The following NCOA2 variants were observed in gnomAD, a reference collection of about 807,000 sequenced individuals.
NCOA2 encodes the protein nuclear receptor coactivator 2.
In NCOA2, 21 loss-of-function variants were observed where a neutral mutation model predicts 145.1. The ratio of observed to expected loss-of-function variants is 0.14; its 90% CI spans 0.10 to 0.21. NCOA2 has a LOEUF of 0.21. Ranked by LOEUF, NCOA2 falls within the 10% of genes least tolerant of loss-of-function variation. The probability of loss-of-function intolerance (pLI) is 1.00; values close to 1 mark genes in which losing one functional copy is unlikely to be tolerated. For synonymous variants in NCOA2, 619 were observed against 637.5 expected, an observed-to-expected ratio of 0.97 and a Z score of 0.44; for missense variants, 1,472 against 1,837.6, an observed-to-expected ratio of 0.80 and a Z score of 3.64.
At chr8:70,233,503 C>CT (rs1383029312) in intron 2 of NCOA2, among the ~76,000 whole-genome samples, 1 of 152,180 alleles carries the variant, frequency 6.6e-6, no homozygotes, top group African/African-American at 2.4e-5. Flanking sequence ...TTCCCTTCCA[C>CT]TCACTCTATG....
chr8:70,301,655 C>CAAAAAAAAAA (rs71275063), intron 1 of NCOA2, among the ~76,000 whole-genome samples: 12 of 60,166 alleles, frequency 2.0e-4, no homozygotes, highest in African/African-American at 3.5e-4. Context: ...GACCCTTTCT[C>CAAAAAAAAAA]AAAAAAAAAA....
At chr8:70,226,676 AT>A (rs1444446579) in intron 2 of NCOA2, among the ~76,000 whole-genome samples, 391 of 149,526 alleles carry the variant, frequency 2.6e-3, no homozygotes, top group African/African-American at 8.7e-3. Flanking sequence ...ATATATATAT[AT>A]ATAAAACTAT....
intron 1 of NCOA2, among the ~76,000 whole-genome samples, chr8:70,387,715 C>T (rs980325195): frequency 1.0e-3 from 3 of 3,012 alleles, no homozygotes; most frequent in African/African-American, 3.2e-3. Context: ...AGGGGGAGGG[C>T]GGGGGGGCAG....
At chr8:70,253,218 T>C (rs1358856507) in intron 2 of NCOA2, among the ~76,000 whole-genome samples, 2 of 152,336 alleles carry the variant, frequency 1.3e-5, no homozygotes, top group South Asian at 2.1e-4. Flanking sequence ...TCATAAGCCA[T>C]AGTAATAGTT....
At chr8:70,266,033 C>A (rs1437514981) in intron 2 of NCOA2, among the ~76,000 whole-genome samples, 2 of 152,094 alleles carry the variant, frequency 1.3e-5, no homozygotes, top group Non-Finnish European at 2.9e-5. Flanking sequence ...GCCTGTAGGC[C>A]CAGCTGCTCA....
intron 4 of NCOA2, among the ~76,000 whole-genome samples, chr8:70,201,717 G>C (rs1398465330): frequency 6.6e-6 from 1 of 152,176 alleles, no homozygotes; most frequent in Non-Finnish European, 1.5e-5. Flanking sequence ...CAGATAGAAG[G>C]ACAGCCATTA....
rs182952822 is a variant in NCOA2, at chr8:70,326,110, T to C, written c.-76-29310A>G. 2.0e-5 allele frequency among the ~76,000 whole-genome samples: 3 copies of C among 152,326 alleles called. No homozygotes were observed. The East Asian group carries it at 5.8e-4, about 29-fold the overall frequency. The stretch of plus-strand genomic sequence containing the variant: ...CAGTTCTTAATCATATAAACACTTT[T>C]GTCAATTCTTCCTAGTACCCATGAT... On this transcript the variant is annotated intron_variant, in intron 1 of 22. Transcript: ENST00000452400.
intron 1 of NCOA2, among the ~76,000 whole-genome samples, chr8:70,325,172 A>G (rs2136216555): frequency 6.6e-6 from 1 of 152,314 alleles, no homozygotes; most frequent in South Asian, 2.1e-4. Flanking sequence ...CTGTTTACAG[A>G]AACTGTATGA....
Position 70,197,753 on chromosome 8 carries a change from TTTC to T in NCOA2, c.259+16147_259+16149del, listed in dbSNP as rs1817482556. Among the ~76,000 whole-genome samples the T allele has an allele frequency of 5.3e-5, 8 of 152,364 alleles. No individual in the cohort carries two copies. The South Asian group carries it at 1.7e-3, about 32-fold the overall frequency. On this transcript the variant is annotated intron_variant, in intron 4 of 22. Transcript: ENST00000452400. ...AATGAAAGTCCTTAAATGTGTTCTT[TTTC>T]TTCATTATTCTATTCATACCTTCTT...
intron 8 of NCOA2, 24 bp downstream of exon 8, chr8:70,163,441 G>C: frequency 6.5e-7 from 1 of 1,528,012 alleles, no homozygotes; most frequent in Non-Finnish European, 9.1e-7. Flanking sequence ...GATTCCTTTG[G>C]TCTTCTTTGG....
chr8:70,192,602 AG>A (rs1816811938), intron 4 of NCOA2, among the ~76,000 whole-genome samples: 1 of 152,232 alleles, frequency 6.6e-6, no homozygotes, highest in South Asian at 2.1e-4. Flanking sequence ...CAGGGCAGAA[AG>A]GAAGGAAGAG....
intron 2 of NCOA2, among the ~76,000 whole-genome samples, chr8:70,221,877 G>C (rs886694387): frequency 3.9e-5 from 6 of 152,064 alleles, no homozygotes; most frequent in African/African-American, 1.4e-4. Context: ...AACAAGTAAT[G>C]CATTCAACAG....
intron 2 of NCOA2, among the ~76,000 whole-genome samples, chr8:70,234,034 C>T (rs770090990): frequency 6.6e-6 from 1 of 152,126 alleles, no homozygotes; most frequent in Non-Finnish European, 1.5e-5. Context: ...CCTCTCCCAG[C>T]CCCTCACAGC....
intron 4 of NCOA2, among the ~76,000 whole-genome samples, chr8:70,199,246 G>A (rs971740461): frequency 1.3e-5 from 2 of 151,874 alleles, no homozygotes; most frequent in East Asian, 3.9e-4. Context: ...TCAGGAGTTC[G>A]AGGCCAGCCT....
At chr8:70,260,848 A>G (rs998740612) in intron 2 of NCOA2, among the ~76,000 whole-genome samples, 27 of 152,342 alleles carry the variant, frequency 1.8e-4, no homozygotes, top group African/African-American at 6.5e-4. Flanking sequence ...AACACATGAA[A>G]AAATGCTCAC....
chr8:70,178,509 G>C (rs1215802469), intron 4 of NCOA2, among the ~76,000 whole-genome samples: 2 of 152,206 alleles, frequency 1.3e-5, no homozygotes, highest in Non-Finnish European at 2.9e-5. Context: ...ATGAGGGAAT[G>C]GAACAGTGAC....
the NCOA2 span, among the ~76,000 whole-genome samples, chr8:70,411,137 T>C: frequency 6.6e-6 from 1 of 152,160 alleles, no homozygotes; most frequent in Admixed American, 6.5e-5. Flanking sequence ...TATAATGAAG[T>C]ATATTTACAG....
At chr8:70,308,738 A>G (rs1217357072) in intron 1 of NCOA2, among the ~76,000 whole-genome samples, 3 of 152,180 alleles carry the variant, frequency 2.0e-5, no homozygotes, top group Non-Finnish European at 4.4e-5. Context: ...AGAAAAGAGG[A>G]GCTATTACCA....
chr8:70,253,732 C>G (rs562510002), intron 2 of NCOA2, among the ~76,000 whole-genome samples: 1 of 151,958 alleles, frequency 6.6e-6, no homozygotes, highest in African/African-American at 2.4e-5. Flanking sequence ...CCTTACCTTA[C>G]GCATACAAAA....
Sources: allele counts gnomAD v4.1 joint callset (sites outside exome capture counted in the v4.1 genomes callset), GRCh38; gene constraint gnomAD v4.1.1; transcripts MANE v1.5; gene names NCBI Gene and HGNC (gene_info 2026-07-23, HGNC 2026-07-21).